Variants in LRRC8A observed in about 807,000 individuals in gnomAD.
LRRC8A encodes volume-regulated anion channel subunit LRRC8A.
LRRC8A carries 24 observed loss-of-function variants against 52.5 expected under a neutral mutation model. That is an observed-to-expected ratio of 0.46 (90% CI 0.33 to 0.64). The LOEUF (loss-of-function observed/expected upper bound fraction) is 0.64, where lower values mean the gene tolerates loss of function less well. Among genes scored for constraint, LRRC8A ranks in the 30% least tolerant of loss-of-function variants. The probability of loss-of-function intolerance (pLI) is 0.02; values close to 1 mark genes in which losing one functional copy is unlikely to be tolerated. For synonymous variants in LRRC8A, 492 were observed against 494.2 expected, an observed-to-expected ratio of 1.00 and a Z score of 0.06; for missense variants, 677 against 1,094.7, an observed-to-expected ratio of 0.62 and a Z score of 5.38.
Position 128,909,303 on chromosome 9 carries a change from A to C in LRRC8A, c.2139A>C (p.Leu713=). 6.2e-7 allele frequency: 1 copy of C among 1,613,198 alleles called. No homozygotes were observed. Among genetic ancestry groups the C allele is most frequent in the Non-Finnish European group, 8.5e-7 (1 of 1,179,920 alleles). Reference sequence around the variant, plus strand: ...GCCTCCTGCAGAACCTCCAGAACCTAGCCATCACGGCCAACCGGGTGAGTG... The same window carrying C: ...GCCTCCTGCAGAACCTCCAGAACCTCGCCATCACGGCCAACCGGGTGAGTG... The part of the protein sequence containing the change: ...DIGLLQNLQN[L]AITANRIETL... The change falls in exon 3 of 4, where the codon CTA becomes CTC. Residue 713 remains leucine, a synonymous_variant. Coordinates refer to ENST00000372600, the MANE Select transcript of LRRC8A (RefSeq NM_019594.4).
intron 2 of LRRC8A, among the ~76,000 whole-genome samples, chr9:128,893,959 A>G (rs1335816507): frequency 2.0e-5 from 3 of 151,986 alleles, no homozygotes; most frequent in Non-Finnish European, 2.9e-5. Context: ...GCCCACTGCA[A>G]CCTGCGCCTC....
intron 1 of LRRC8A, chr9:128,882,879 C>T: frequency 2.5e-6 from 1 of 398,346 alleles, no homozygotes; most frequent in Non-Finnish European, 4.4e-6. Context: ...GAGGCGAGAT[C>T]CAGTGAGGTC....
intron 1 of LRRC8A, chr9:128,882,810 C>T: frequency 7.5e-6 from 3 of 398,738 alleles, no homozygotes; most frequent in Non-Finnish European, 1.3e-5. Flanking sequence ...GAAGACCGGT[C>T]CGGAATCTAA....
In LRRC8A at chr9:128,909,320, G is replaced by A. The variant is rs751956650; in HGVS notation, c.2156G>A (p.Arg719Gln). Residue 719 changes from arginine to glutamine, a missense_variant and splice_region_variant, in exon 3 of 4, where the codon CGG (arginine) becomes CAG (glutamine). Around this residue, in one of 4 missense-constraint regions of LRRC8A, gnomAD observed 169 missense variants for 217.6 expected, o/e 0.78. Transcript: ENST00000372600. ...CAGAACCTAGCCATCACGGCCAACC[G>A]GGTGAGTGGCCCGGCCACAGCTCTG... Reference protein sequence around the residue: ...NLQNLAITANRIETLPPELFQ... With the variant: ...NLQNLAITANQIETLPPELFQ... The A allele has an allele frequency of 2.0e-5, 33 of 1,611,970 alleles. No individual in the cohort carries two copies. The highest frequency in any genetic ancestry group is 3.3e-4 in the Middle Eastern group (2 of 6,060).
chr9:128,905,768 C>T (rs1840221656), intron 2 of LRRC8A, among the ~76,000 whole-genome samples: 1 of 152,052 alleles, frequency 6.6e-6, no homozygotes, highest in Non-Finnish European at 1.5e-5. Context: ...CACTTGAACC[C>T]TGGAGGCAGA....
chr9:128,890,297 C>T (rs1421887449), intron 2 of LRRC8A, among the ~76,000 whole-genome samples: 2 of 152,072 alleles, frequency 1.3e-5, no homozygotes, highest in African/African-American at 2.4e-5. Context: ...TTGCGTCTTG[C>T]GTCTTGCAGC....
chr9:128,903,412 C>CT (rs534139914), intron 2 of LRRC8A, among the ~76,000 whole-genome samples: 5,391 of 132,440 alleles, frequency 0.041, 237 homozygotes, highest in African/African-American at 0.1. Flanking sequence ...AGGTGCTGTT[C>CT]TTTTTTTTTT....
intron 3 of LRRC8A, chr9:128,912,623 C>G (rs566886407): frequency 1.7e-4 from 26 of 152,360 alleles, no homozygotes; most frequent in African/African-American, 5.5e-4. Context: ...AGACCTAGCT[C>G]TTTTGTTCAA....
At chr9:128,913,717 A>C (rs961594208) in intron 3 of LRRC8A, among the ~76,000 whole-genome samples, 2 of 152,136 alleles carry the variant, frequency 1.3e-5, no homozygotes, top group Non-Finnish European at 2.9e-5. Context: ...ATGTGTCAGC[A>C]GAGGAGATCA....
chr9:128,916,270 C>T lies in LRRC8A; in HGVS notation c.2332C>T (p.Leu778=), dbSNP rs1220028735. The T allele has an allele frequency of 1.2e-6, 2 of 1,613,832 alleles. No individual in the cohort carries two copies. Among genetic ancestry groups the T allele is most frequent in the Non-Finnish European group, 8.5e-7 (1 of 1,179,964 alleles). ...CLPVELGECP[L]LKRSGLVVEE... ...GCCTGTGGAGCTGGGCGAGTGCCCACTGCTCAAGCGCAGCGGCTTGGTGGT... is the reference window on the plus strand; with the variant it reads ...GCCTGTGGAGCTGGGCGAGTGCCCATTGCTCAAGCGCAGCGGCTTGGTGGT... The change falls in exon 4 of 4, where the codon CTG becomes TTG. Residue 778 remains leucine (L), a synonymous_variant. Coordinates refer to ENST00000372600, the MANE Select transcript of LRRC8A (RefSeq NM_019594.4). The surrounding 1 kb of genome is among the most constrained non-coding windows in gnomAD (Gnocchi z 6.1).
chr9:128,917,154 G>T lies in LRRC8A; in HGVS notation c.*783G>T, dbSNP rs1390914269. On this transcript the variant is annotated 3_prime_UTR_variant, in exon 4 of 4. Transcript: ENST00000372600. Reference sequence around the variant, plus strand: ...AGACACTAACGGCCAGTGAGTTGGAGTCTCAGGGCAGGGTGGCAGTTTCCC... The same window carrying T: ...AGACACTAACGGCCAGTGAGTTGGATTCTCAGGGCAGGGTGGCAGTTTCCC... 2 of 151,768 alleles carry T rather than the reference G, an allele frequency of 1.3e-5. No homozygotes were observed. Among genetic ancestry groups the T allele is most frequent in the Non-Finnish European group, 2.9e-5 (2 of 67,890 alleles). 9.4% of individuals were successfully genotyped at this position (151,768 alleles called of 1,614,324 possible).
At chr9:128,886,641 G>T (rs1487209169) in intron 2 of LRRC8A, among the ~76,000 whole-genome samples, 4 of 152,160 alleles carry the variant, frequency 2.6e-5, no homozygotes, top group Non-Finnish European at 5.9e-5. Flanking sequence ...ACATCTTTGG[G>T]GACTGGGATT....
At chr9:128,900,445 A>G (rs1438515461) in intron 2 of LRRC8A, among the ~76,000 whole-genome samples, 3 of 152,252 alleles carry the variant, frequency 2.0e-5, no homozygotes, top group South Asian at 2.1e-4. Context: ...GCAGTGGCTC[A>G]TGCCTGTAAT....
At chr9:128,915,735 T>G (rs545887141) in intron 3 of LRRC8A, among the ~76,000 whole-genome samples, 1 of 152,198 alleles carries the variant, frequency 6.6e-6, no homozygotes, top group Admixed American at 6.5e-5. Context: ...TGGGAGCAGC[T>G]GGCCAATGCG....
intron 2 of LRRC8A, among the ~76,000 whole-genome samples, chr9:128,901,460 CA>C (rs201443296): frequency 3.3e-5 from 5 of 150,740 alleles, no homozygotes; most frequent in South Asian, 2.1e-4. Flanking sequence ...GAGACTGCCT[CA>C]AAAAAAAAAT....
At chr9:128,910,642 G>A (rs1385326978) in intron 3 of LRRC8A, among the ~76,000 whole-genome samples, 1 of 152,158 alleles carries the variant, frequency 6.6e-6, no homozygotes, top group African/African-American at 2.4e-5. Context: ...GTGAGCTATG[G>A]TTGTACCACT....
Position 128,908,235 on chromosome 9 carries a change from T to G in LRRC8A, c.1071T>G (p.Arg357=), listed in dbSNP as rs1448470801. ...AGAAGTACTCGTTTGAGTCGATCCG[T>G]GAGGAGAGCAGCTACAGCGACATCC... is the stretch of plus-strand genomic sequence containing the variant. ...SLKKYSFESI[R]EESSYSDIPD... Residue 357 remains arginine (R), a synonymous_variant, in exon 3 of 4, where the codon CGT becomes CGG. Transcript: ENST00000372600. The G allele has an allele frequency of 1.5e-5, 24 of 1,613,842 alleles. No individual in the cohort carries two copies. The highest frequency in any genetic ancestry group is 1.9e-5 in the Non-Finnish European group (22 of 1,179,996).
intron 2 of LRRC8A, among the ~76,000 whole-genome samples, chr9:128,889,842 G>A (rs1296474139): frequency 6.6e-6 from 1 of 151,422 alleles, no homozygotes; most frequent in Admixed American, 6.6e-5. Context: ...CTGCTCTGTT[G>A]CCCAGACTGG....
intron 2 of LRRC8A, among the ~76,000 whole-genome samples, chr9:128,903,619 T>C (rs953515594): frequency 6.6e-6 from 1 of 151,876 alleles, no homozygotes; most frequent in Non-Finnish European, 1.5e-5. Flanking sequence ...TTCACCTTGT[T>C]AGCCAGGATG....
Sources: allele counts gnomAD v4.1 joint callset (sites outside exome capture counted in the v4.1 genomes callset), GRCh38; gene constraint gnomAD v4.1.1; regional missense constraint gnomAD v4.1.1; non-coding constraint Gnocchi (gnomAD v3.1); transcripts MANE v1.5; gene names NCBI Gene and HGNC (gene_info 2026-07-23, HGNC 2026-07-21).